Variants in TRERF1 observed in about 807,000 individuals in gnomAD.
TRERF1 encodes transcriptional regulating factor 1, also known as transcriptional-regulating factor 1.
Under a neutral mutation model 122.9 loss-of-function variants are expected in TRERF1, and 27 were observed. The observed-to-expected ratio is 0.22, with a 90% CI of 0.16 to 0.30. The LOEUF is 0.30. TRERF1 is among the 10% of genes least tolerant of loss of function. The pLI is 1.00. For missense variants in TRERF1, 1,248 were observed against 1,560.3 expected (o/e 0.80, Z 3.37); for synonymous variants, 636 against 641.7 (o/e 0.99, Z 0.13).
chr6:42,260,036 T>C (rs1301087327), intron 8 of TRERF1, among the ~76,000 whole-genome samples: 2 of 152,088 alleles, frequency 1.3e-5, no homozygotes, highest in Non-Finnish European at 2.9e-5. Flanking sequence ...TCCCATCTGT[T>C]TGAGTGGAAT....
intron 2 of TRERF1, among the ~76,000 whole-genome samples, chr6:42,384,867 C>T (rs1335050629): frequency 6.6e-6 from 1 of 151,882 alleles, no homozygotes; most frequent in Non-Finnish European, 1.5e-5. Flanking sequence ...TGCAGTGGCA[C>T]GATCTCAGCT....
Position 42,259,375 on chromosome 6 carries a change from G to T in TRERF1, c.2233C>A (p.Leu745Met), listed in dbSNP as rs754973676. The stretch of plus-strand genomic sequence containing the variant: ...AGCAGCACCCGTGGTGTGGGCGTCA[G>T]GGGCGTCAGGGGCAGCTGCGGGTGG... Residue 745 changes from leucine to methionine, a missense_variant, in exon 9 of 18, where the codon CTG becomes ATG. Physicochemically the swap from Leu to Met is conservative, Grantham distance 15. Around this residue, in one of 5 missense-constraint regions of TRERF1, gnomAD observed 946 missense variants for 1,073.0 expected, o/e 0.88. Coordinates refer to ENST00000372922, the Ensembl canonical transcript of TRERF1. The surrounding 1 kb of genome is among the most constrained non-coding windows in gnomAD (Gnocchi z 4.9). The T allele has an allele frequency of 1.3e-6, 2 of 1,520,138 alleles. No homozygotes were observed. The highest frequency in any genetic ancestry group is 1.7e-6 in the Non-Finnish European group (2 of 1,144,542). The allele number at this position is 1,520,138 out of a possible 1,614,324, so 94.2% of individuals were successfully genotyped here. A position where few individuals can be genotyped will look rare whatever the true frequency, so the allele number is the denominator to read the frequency against.
intron 2 of TRERF1, among the ~76,000 whole-genome samples, chr6:42,405,115 A>T (rs1779975260): frequency 6.6e-6 from 1 of 152,200 alleles, no homozygotes; most frequent in Non-Finnish European, 1.5e-5. Flanking sequence ...AGGTGCTGTT[A>T]TCACTGCCAC....
chr6:42,288,963 G>GT (rs1322024355), intron 4 of TRERF1, among the ~76,000 whole-genome samples: 2 of 148,898 alleles, frequency 1.3e-5, no homozygotes, highest in African/African-American at 5.0e-5. Context: ...CTGTGTGTGT[G>GT]TGTGTGTGTG....
intron 16 of TRERF1, among the ~76,000 whole-genome samples, chr6:42,234,620 C>T (rs1771667662): frequency 6.6e-6 from 1 of 152,106 alleles, no homozygotes; most frequent in Non-Finnish European, 1.5e-5. Flanking sequence ...GGATTACAGG[C>T]GTGAGCCACC....
At chr6:42,245,082 A>G (rs1201477236) in intron 14 of TRERF1, among the ~76,000 whole-genome samples, 1 of 152,238 alleles carries the variant, frequency 6.6e-6, no homozygotes. Flanking sequence ...GAGTGAGGAC[A>G]GTGCCCGTCC....
intron 3 of TRERF1, among the ~76,000 whole-genome samples, chr6:42,313,949 A>G (rs1259773451): frequency 1.3e-5 from 2 of 152,164 alleles, no homozygotes; most frequent in Non-Finnish European, 1.5e-5. Flanking sequence ...AGAGCCTATT[A>G]AGAGAAAAAG....
intron 1 of TRERF1, chr6:42,451,884 C>G (rs1015425862): frequency 1.3e-5 from 2 of 152,802 alleles, no homozygotes; most frequent in East Asian, 3.9e-4. Flanking sequence ...AAACTTACTC[C>G]CCATCTGCAT....
chr6:42,435,848 G>C (rs2151718214), intron 2 of TRERF1, among the ~76,000 whole-genome samples: 1 of 150,744 alleles, frequency 6.6e-6, no homozygotes, highest in Non-Finnish European at 1.5e-5. Flanking sequence ...GGCGTGGTGG[G>C]GGGCACCTGT....
intron 2 of TRERF1, among the ~76,000 whole-genome samples, chr6:42,396,465 T>C (rs1778601447): frequency 6.6e-6 from 1 of 152,332 alleles, no homozygotes; most frequent in South Asian, 2.1e-4. Context: ...CCAGCCCATC[T>C]TCCCAAGAGG....
At chr6:42,444,178 C>CA (rs773220048) in intron 2 of TRERF1, among the ~76,000 whole-genome samples, 8 of 133,860 alleles carry the variant, frequency 6.0e-5, no homozygotes, top group African/African-American at 2.2e-4. Context: ...GCAGCCTTTG[C>CA]TTTTTTTTTT....
At chr6:42,358,266 G>A (rs1770979301) in intron 3 of TRERF1, among the ~76,000 whole-genome samples, 2 of 152,220 alleles carry the variant, frequency 1.3e-5, no homozygotes, top group Non-Finnish European at 2.9e-5. Flanking sequence ...CCTGCTGGTG[G>A]AAAATTAAAC....
intron 3 of TRERF1, among the ~76,000 whole-genome samples, chr6:42,358,069 CTGCATATG>C (rs1770937233): frequency 6.6e-6 from 1 of 152,008 alleles, no homozygotes; most frequent in Non-Finnish European, 1.5e-5. Context: ...ACCAAGTTTT[CTGCATATG>C]TGGGGGGTTG....
chr6:42,451,491 T>C (rs1582326077), intron 1 of TRERF1, among the ~76,000 whole-genome samples, 183 bp downstream of exon 1: 2 of 127,740 alleles, frequency 1.6e-5, no homozygotes, highest in African/African-American at 3.1e-5. Flanking sequence ...ACCCACCACC[T>C]CCTCCACCAC....
At position 42,275,192 on chromosome 6, in the gene TRERF1, T is replaced by C. The variant is rs1008735592; in HGVS notation, c.-258-5344A>G. On this transcript the variant is annotated intron_variant, in intron 4 of 17. Transcript: ENST00000372922. The surrounding 1 kb of genome is among the most constrained non-coding windows in gnomAD (Gnocchi z 4.1). ...ATTAGTCAATCTCACAGAATTCTTA[T>C]AATACCAACTCAGGATTCAAGTCTT... Among the ~76,000 whole-genome samples, 1 of 152,262 alleles carries C rather than the reference T, an allele frequency of 6.6e-6. No homozygotes were observed. The highest frequency in any genetic ancestry group is 2.4e-5 in the African/African-American group (1 of 41,470).
chr6:42,332,070 G>C (rs1466899756), intron 3 of TRERF1, among the ~76,000 whole-genome samples: 5 of 152,232 alleles, frequency 3.3e-5, no homozygotes, highest in Admixed American at 2.0e-4. Context: ...AGCCTCCTGA[G>C]TAGCTGAGAT....
chr6:42,449,755 C>T (rs1175676364), intron 2 of TRERF1, among the ~76,000 whole-genome samples: 1 of 152,188 alleles, frequency 6.6e-6, no homozygotes, highest in African/African-American at 2.4e-5. Context: ...CCAACTAACT[C>T]AACTCTCAAA....
At chr6:42,318,850 A>C (rs1405444692) in intron 3 of TRERF1, among the ~76,000 whole-genome samples, 1 of 152,236 alleles carries the variant, frequency 6.6e-6, no homozygotes, top group Non-Finnish European at 1.5e-5. Flanking sequence ...CCATCCTCCA[A>C]AATAGATGCT....
intron 2 of TRERF1, among the ~76,000 whole-genome samples, chr6:42,402,712 A>C (rs1161587862): frequency 6.6e-6 from 1 of 152,208 alleles, no homozygotes; most frequent in Non-Finnish European, 1.5e-5. Flanking sequence ...TTAACGGAGC[A>C]CCTACTACAT....
Sources: allele counts gnomAD v4.1 joint callset (sites outside exome capture counted in the v4.1 genomes callset), GRCh38; gene constraint gnomAD v4.1.1; regional missense constraint gnomAD v4.1.1; non-coding constraint Gnocchi (gnomAD v3.1); transcripts MANE v1.5; gene names NCBI Gene and HGNC (gene_info 2026-07-23, HGNC 2026-07-21).